SLCO1A2: variants seen among roughly 807,000 people sequenced by gnomAD.
SLCO1A2 encodes the protein OATP-1.
In SLCO1A2, 67 loss-of-function variants were observed where a neutral mutation model predicts 69.0. The ratio of observed to expected loss-of-function variants is 0.97; its 90% CI spans 0.80 to 1.19. The LOEUF is 1.19. Among genes scored for constraint, SLCO1A2 ranks in the 50% most tolerant of loss-of-function variants. The pLI is 0.00. For synonymous variants in SLCO1A2, 260 were observed against 265.9 expected, an observed-to-expected ratio of 0.98 and a Z score of 0.22; for missense variants, 787 against 793.7, an observed-to-expected ratio of 0.99 and a Z score of 0.10.
At chr12:21,366,585 TA>T (rs1262193929) in intron 2 of SLCO1A2, among the ~76,000 whole-genome samples, 1 of 151,966 alleles carries the variant, frequency 6.6e-6, no homozygotes, top group African/African-American at 2.4e-5. Context: ...CATTAAAAGA[TA>T]TTTTTTAACA....
At chr12:21,386,775 A>C (rs1940903339) in intron 1 of SLCO1A2, among the ~76,000 whole-genome samples, 1 of 152,184 alleles carries the variant, frequency 6.6e-6, no homozygotes, top group East Asian at 1.9e-4. Flanking sequence ...AAAATGTGGA[A>C]GCAACTTTGG....
Position 21,373,363 on chromosome 12 carries a change from G to A in SLCO1A2, c.-63+1036C>T, listed in dbSNP as rs202231303. The A allele has an allele frequency of 2.5e-5, 40 of 1,612,696 alleles. No individual in the cohort carries two copies. In the East Asian group the frequency reaches 6.5e-4, roughly 26 times the overall value. Reference sequence around the variant, plus strand: ...AAATTTGAGAAGCAATGGGCATCCTGAAGCTGCAAGTATTTCTCATTGTGC... The same window carrying A: ...AAATTTGAGAAGCAATGGGCATCCTAAAGCTGCAAGTATTTCTCATTGTGC... On this transcript the variant is annotated intron_variant, in intron 2 of 15. Transcript: ENST00000307378.
At chr12:21,407,628 C>T (rs1324524788) in intron 1 of SLCO1A2, among the ~76,000 whole-genome samples, 1 of 152,012 alleles carries the variant, frequency 6.6e-6, no homozygotes, top group Non-Finnish European at 1.5e-5. Flanking sequence ...TGGCGAAATC[C>T]TGTGTCTACA....
chr12:21,406,674 A>G (rs1299554991), intron 1 of SLCO1A2, among the ~76,000 whole-genome samples: 2 of 152,344 alleles, frequency 1.3e-5, no homozygotes, highest in Non-Finnish European at 2.9e-5. Context: ...GATAGGACAC[A>G]GGTACAGATA....
At position 21,295,637 on chromosome 12, in the gene SLCO1A2, C is replaced by A; in HGVS notation, c.1231G>T (p.Glu411Ter). The A allele has an allele frequency of 6.2e-7, 1 of 1,603,012 alleles. No homozygotes were observed. Reference sequence around the variant, plus strand: ...TTTATTCCAACAACTGAAGAATTTTCACAAGTCATGAGAAAAGATAAAAAA... The same window carrying A: ...TTTATTCCAACAACTGAAGAATTTTAACAAGTCATGAGAAAAGATAAAAAA... ...LYFLSFLMTC[E>*]NSSVVGINTS... Residue 411 changes from glutamate (E) to a stop codon, truncating the protein, a stop_gained, in exon 10 of 15, where the codon GAA becomes TAA. Coordinates refer to ENST00000683939, the MANE Select transcript of SLCO1A2 (RefSeq NM_001386879.1). LOFTEE classifies it high-confidence loss of function.
intron 1 of SLCO1A2, chr12:21,378,220 T>C: frequency 6.2e-7 from 1 of 1,612,940 alleles, no homozygotes; most frequent in Non-Finnish European, 8.5e-7. Context: ...CTTTTCACAT[T>C]TGTTCCATGT....
chr12:21,335,250 A>G (rs1331446715), upstream of SLCO1A2, among the ~76,000 whole-genome samples: 1 of 152,000 alleles, frequency 6.6e-6, no homozygotes, highest in Admixed American at 6.6e-5. Context: ...GAGACACGGA[A>G]TTTTAATCAT....
At chr12:21,276,114 G>T (rs1335605799) in intron 12 of SLCO1A2, among the ~76,000 whole-genome samples, 1 of 152,036 alleles carries the variant, frequency 6.6e-6, no homozygotes. Context: ...TATGCTATAA[G>T]AGAATTTTAG....
chr12:21,342,433 C>T (rs934459635), intron 2 of SLCO1A2, among the ~76,000 whole-genome samples: 7 of 152,058 alleles, frequency 4.6e-5, no homozygotes, highest in African/African-American at 9.6e-5. Flanking sequence ...ATATATTACA[C>T]TTTTAAAATA....
At chr12:21,391,973 C>T (rs1001577945) in intron 1 of SLCO1A2, among the ~76,000 whole-genome samples, 8 of 152,138 alleles carry the variant, frequency 5.3e-5, no homozygotes, top group Non-Finnish European at 8.8e-5. Flanking sequence ...AACAAAGCTG[C>T]TCTATCTCCT....
chr12:21,313,533 GA>G (rs1016061424), intron 4 of SLCO1A2, among the ~76,000 whole-genome samples: 4 of 152,094 alleles, frequency 2.6e-5, no homozygotes, highest in African/African-American at 9.7e-5. Context: ...CCAACTTGGG[GA>G]AACCCCATCT....
At chr12:21,407,279 G>A (rs932376380) in intron 1 of SLCO1A2, among the ~76,000 whole-genome samples, 1 of 152,204 alleles carries the variant, frequency 6.6e-6, no homozygotes, top group South Asian at 2.1e-4. Flanking sequence ...CCTTAGGATG[G>A]AAGGAAACAA....
chr12:21,292,357 A>G (rs1591801452), intron 11 of SLCO1A2, 21 bp from the exon 12 acceptor site: 1 of 1,585,356 alleles, frequency 6.3e-7, no homozygotes, highest in East Asian at 2.2e-5. Context: ...ATAACATATT[A>G]TACTAAGAAG....
intron 6 of SLCO1A2, among the ~76,000 whole-genome samples, chr12:21,303,523 C>G (rs573774134): frequency 6.6e-6 from 1 of 152,242 alleles, no homozygotes; most frequent in South Asian, 2.1e-4. Context: ...CCCTCTTTGA[C>G]TTTTTTAGTT....
Position 21,297,299 on chromosome 12 carries a change from C to CA in SLCO1A2, c.1075+104dup, listed in dbSNP as rs528037760. ...TTAGAAGGAAGAAATCCACCAGAGT[C>CA]AAAAAATATCCTAAAACACTTCAAC... On this transcript the variant is annotated intron_variant, in intron 9 of 14. Coordinates refer to ENST00000683939, the MANE Select transcript of SLCO1A2 (RefSeq NM_001386879.1). 2.2e-4 allele frequency: 140 copies of CA among 650,646 alleles called. 1 individual carries two copies. The South Asian group carries it at 7.1e-3, about 33-fold the overall frequency. The allele number at this position is 650,646 out of a possible 1,614,324, so 40.3% of individuals were successfully genotyped here. A position where few individuals can be genotyped will look rare whatever the true frequency, so the allele number is the denominator to read the frequency against.
At chr12:21,392,839 C>A (rs1164819374) in intron 1 of SLCO1A2, among the ~76,000 whole-genome samples, 1 of 152,206 alleles carries the variant, frequency 6.6e-6, no homozygotes, top group Non-Finnish European at 1.5e-5. Flanking sequence ...TTCAATTCTT[C>A]ATTTTCCATG....
chr12:21,333,323 G>A lies in SLCO1A2; in HGVS notation c.60+1265C>T, dbSNP rs187662969. 1.3e-3 allele frequency among the ~76,000 whole-genome samples: 195 copies of A among 152,194 alleles called. No homozygotes were observed. In the Middle Eastern group the frequency reaches 0.014, roughly 11 times the overall value. ...AGTGAAAGAAATCAGTGGCTATTCT[G>A]ACTCATGTCTAGTGCTAAATAATCT... On this transcript the variant is annotated intron_variant, in intron 2 of 14. Coordinates refer to ENST00000683939, the MANE Select transcript of SLCO1A2 (RefSeq NM_001386879.1).
chr12:21,388,257 GAAATGTGAGGAC>G lies in SLCO1A2; in HGVS notation c.-190+6637_-190+6648del, dbSNP rs1355620836. On this transcript the variant is annotated intron_variant, in intron 1 of 15. Coordinates refer to the SLCO1A2 transcript ENST00000307378. ...CTGTTGGAAGGGCACATTGTGTTTT[GAAATGTGAGGAC>G]ATAAGATTTGGGAGGGACCAGGGGC... Among the ~76,000 whole-genome samples, 6 of 152,118 alleles carry G rather than the reference GAAATGTGAGGAC, an allele frequency of 3.9e-5. No individual in the cohort carries two copies. The South Asian group carries it at 8.3e-4, about 21-fold the overall frequency.
At position 21,295,730 on chromosome 12, in the gene SLCO1A2, A is replaced by C. The variant is rs752180090; in HGVS notation, c.1138T>G (p.Phe380Val). The C allele has an allele frequency of 6.2e-7, 1 of 1,606,022 alleles. No individual in the cohort carries two copies. Among genetic ancestry groups the C allele is most frequent in the Non-Finnish European group, 8.5e-7 (1 of 1,172,842 alleles). The change falls in exon 10 of 15, where the codon TTC becomes GTC. Residue 380 changes from phenylalanine (F) to valine (V), a missense_variant. Coordinates refer to ENST00000683939, the MANE Select transcript of SLCO1A2 (RefSeq NM_001386879.1). Reference sequence around the variant, plus strand: ...GCAGCTTGTTTGACAGTAATCTTGAACTTCTTCATAATTAAACCACCAATT... The same window carrying C: ...GCAGCTTGTTTGACAGTAATCTTGACCTTCTTCATAATTAAACCACCAATT... ...YIIGGLIMKK[F>V]KITVKQAAHI...
Sources: allele counts gnomAD v4.1 joint callset (sites outside exome capture counted in the v4.1 genomes callset), GRCh38; gene constraint gnomAD v4.1.1; transcripts MANE v1.5; gene names NCBI Gene and HGNC (gene_info 2026-07-23, HGNC 2026-07-21).